Variants in BEND6 observed in about 807,000 individuals in gnomAD.
BEND6 encodes the protein BEN domain containing 6.
In BEND6, 24 loss-of-function variants were observed where a neutral mutation model predicts 31.8. The observed-to-expected ratio is 0.75, with a 90% CI of 0.55 to 1.06. The LOEUF is 1.06. BEND6 is among the 50% of genes least tolerant of loss of function. The pLI is 0.00. For missense variants in BEND6, 294 were observed against 327.4 expected (o/e 0.90, Z 0.79); for synonymous variants, 109 against 114.6 (o/e 0.95, Z 0.31).
At chr6:56,996,149 T>C (rs1299472780) in intron 3 of BEND6, among the ~76,000 whole-genome samples, 1 of 152,122 alleles carries the variant, frequency 6.6e-6, no homozygotes, top group Admixed American at 6.6e-5. Context: ...TAATATGGTG[T>C]AAATATCCAT....
chr6:56,957,012 T>A (rs543083695), intron 1 of BEND6, among the ~76,000 whole-genome samples: 26 of 152,344 alleles, frequency 1.7e-4, no homozygotes, highest in African/African-American at 6.0e-4. Flanking sequence ...TTGACTGAAA[T>A]TTGTAAGTGA....
At chr6:56,966,582 C>G (rs1274054746) in intron 1 of BEND6, among the ~76,000 whole-genome samples, 1 of 152,160 alleles carries the variant, frequency 6.6e-6, no homozygotes, top group African/African-American at 2.4e-5. Flanking sequence ...TGCCTGCAGG[C>G]TTTTTATTGA....
chr6:57,012,499 G>T (rs1438157180), intron 3 of BEND6, among the ~76,000 whole-genome samples: 1 of 152,126 alleles, frequency 6.6e-6, no homozygotes, highest in Admixed American at 6.5e-5. Flanking sequence ...TTTTAAATGG[G>T]CGCACCCATT....
intron 1 of BEND6, among the ~76,000 whole-genome samples, chr6:56,958,060 G>A (rs976977734): frequency 6.6e-6 from 1 of 152,150 alleles, no homozygotes; most frequent in African/African-American, 2.4e-5. Flanking sequence ...CAGCATTAGG[G>A]CAGGAAGGAA....
intron 6 of BEND6, among the ~76,000 whole-genome samples, chr6:57,025,281 C>T (rs745418460): frequency 2.0e-5 from 3 of 152,200 alleles, no homozygotes; most frequent in Non-Finnish European, 4.4e-5. Flanking sequence ...TGTGGATCTA[C>T]ATCTATGACT....
chr6:56,970,054 C>T (rs1433163021), intron 1 of BEND6, among the ~76,000 whole-genome samples: 1 of 152,012 alleles, frequency 6.6e-6, no homozygotes, highest in Non-Finnish European at 1.5e-5. Flanking sequence ...CAGTGCATTG[C>T]ATGTAGTAAG....
At chr6:56,964,005 GAT>G (rs1242076041) in intron 1 of BEND6, among the ~76,000 whole-genome samples, 6 of 143,744 alleles carry the variant, frequency 4.2e-5, no homozygotes, top group African/African-American at 1.0e-4. Flanking sequence ...TATAAAATAA[GAT>G]AGTAGTAATT....
At chr6:57,011,684 C>T (rs1317133808) in intron 3 of BEND6, among the ~76,000 whole-genome samples, 1 of 136,232 alleles carries the variant, frequency 7.3e-6, no homozygotes, top group Non-Finnish European at 1.5e-5. Flanking sequence ...TGCCACTCTA[C>T]TCCAGCCTGG....
At chr6:56,968,474 C>T (rs1029172966) in intron 1 of BEND6, among the ~76,000 whole-genome samples, 4 of 151,200 alleles carry the variant, frequency 2.6e-5, no homozygotes, top group African/African-American at 9.7e-5. Context: ...GTGTGCCCCA[C>T]CATGCCTGGC....
At chr6:57,007,736 T>C (rs1226634858) in intron 3 of BEND6, among the ~76,000 whole-genome samples, 1 of 152,030 alleles carries the variant, frequency 6.6e-6, no homozygotes, top group Non-Finnish European at 1.5e-5. Context: ...TTGGGAAGTT[T>C]ACAGTGCGCT....
At position 56,955,226 on chromosome 6, in the gene BEND6, A is replaced by G. The variant is rs968498947; in HGVS notation, c.-335A>G. On this transcript the variant is annotated 5_prime_UTR_variant, in exon 1 of 7. Transcript: ENST00000370746. Reference sequence around the variant, plus strand: ...GCGCCCTCCCGCGGGGCCGCCCGCCAGTCCGCGCCGTCCGCGGGTGCATTG... The same window carrying G: ...GCGCCCTCCCGCGGGGCCGCCCGCCGGTCCGCGCCGTCCGCGGGTGCATTG... The G allele has an allele frequency of 2.1e-4, 32 of 151,890 alleles. No individual in the cohort carries two copies. The highest frequency in any genetic ancestry group is 7.2e-4 in the African/African-American group (30 of 41,502). The allele number at this position is 151,890 out of a possible 1,614,324, so 9.4% of individuals were successfully genotyped here. A position where few individuals can be genotyped will look rare whatever the true frequency, so the allele number is the denominator to read the frequency against.
rs747649134 is a variant in BEND6, at chr6:57,018,564, C to A, written c.*9+7C>A. ...TATTAAATAGATCCTTTTGGTAAGT[C>A]TTTTAAATCTTCAGTCCTTTCAATG... On this transcript the variant is annotated splice_region_variant and intron_variant, in intron 6 of 6. Transcript: ENST00000370746. 1 of 1,499,836 alleles carries A rather than the reference C, an allele frequency of 6.7e-7. No individual in the cohort carries two copies. Among genetic ancestry groups the A allele is most frequent in the South Asian group, 1.4e-5 (1 of 71,878 alleles). 92.9% of individuals were successfully genotyped at this position (1,499,836 alleles called of 1,614,324 possible). A position where few individuals can be genotyped will look rare whatever the true frequency, so the allele number is the denominator to read the frequency against.
At chr6:56,999,152 C>T (rs750465242) in intron 3 of BEND6, among the ~76,000 whole-genome samples, 2 of 152,044 alleles carry the variant, frequency 1.3e-5, no homozygotes, top group African/African-American at 2.4e-5. Context: ...TGCAGTGGGA[C>T]TCTCTCCACT....
rs1179108239 is a variant in BEND6, at chr6:56,989,254, G to T, written c.121-3124G>T. On this transcript the variant is annotated intron_variant, in intron 2 of 6. Transcript: ENST00000370746. ...ACCATATTGTTTACTTCTGGAACTT[G>T]CATTTCTTACTCAACATTTTACTGA... is the stretch of plus-strand genomic sequence containing the variant. 3.3e-5 allele frequency among the ~76,000 whole-genome samples: 5 copies of T among 150,684 alleles called. No homozygotes were observed. In the South Asian group the frequency reaches 1.1e-3, roughly 32 times the overall value.
intron 3 of BEND6, chr6:57,009,672 TAGACCATGC>T (rs1231056946): frequency 6.6e-6 from 1 of 152,296 alleles, no homozygotes; most frequent in East Asian, 1.9e-4. Context: ...GCAAGGAAGT[TAGACCATGC>T]AGATGTGTCA....
intron 3 of BEND6, among the ~76,000 whole-genome samples, chr6:56,997,744 G>C (rs537814254): frequency 1.3e-5 from 2 of 152,088 alleles, no homozygotes; most frequent in African/African-American, 4.8e-5. Context: ...TAGTAGAGAC[G>C]AGGTTTCACG....
chr6:56,990,257 T>C (rs1826444191), intron 2 of BEND6, among the ~76,000 whole-genome samples: 1 of 144,404 alleles, frequency 6.9e-6, no homozygotes. Flanking sequence ...TTCTTTTTTT[T>C]TTTTTTTTTT....
At chr6:57,013,785 C>A (rs1827430786) in intron 3 of BEND6, 1 of 152,272 alleles carries the variant, frequency 6.6e-6, no homozygotes, top group African/African-American at 2.4e-5. Flanking sequence ...AAATAAGTCT[C>A]CCCTTCACCC....
Position 57,017,328 on chromosome 6 carries a change from C to A in BEND6, c.641C>A (p.Ala214Glu), listed in dbSNP as rs1301173492. 6.9e-7 allele frequency: 1 copy of A among 1,453,142 alleles called. No individual in the cohort carries two copies. Among genetic ancestry groups the A allele is most frequent in the Non-Finnish European group, 9.1e-7 (1 of 1,098,776 alleles). The allele number at this position is 1,453,142 out of a possible 1,614,324, so 90.0% of individuals were successfully genotyped here. A position where few individuals can be genotyped will look rare whatever the true frequency, so the allele number is the denominator to read the frequency against. Residue 214 changes from alanine (A) to glutamate (E), a missense_variant, in exon 5 of 7, where the codon GCA (alanine) becomes GAA (glutamate). Physicochemically the swap from Ala to Glu is moderately radical, Grantham distance 107. Coordinates refer to ENST00000370746, the MANE Select transcript of BEND6 (RefSeq NM_152731.3). The part of the protein sequence containing the change: ...EYMATHSLTG[A>E]KSSTSRDKAV... Reference sequence around the variant, plus strand: ...ATGGCCACTCACAGCCTGACAGGGGCAAAATCCTCTACTTCAAGGGACAAA... The same window carrying A: ...ATGGCCACTCACAGCCTGACAGGGGAAAAATCCTCTACTTCAAGGGACAAA...
Sources: gnomAD v4.1 joint callset for allele counts (sites outside exome capture counted in the v4.1 genomes callset) on GRCh38, gnomAD v4.1.1 for gene constraint, MANE v1.5 for transcripts, NCBI Gene and HGNC (gene_info 2026-07-23, HGNC 2026-07-21) for gene names.